TCTN2: variants seen among roughly 807,000 people sequenced by gnomAD.
The protein encoded by TCTN2 is tectonic family member 2, also known as tectonic-2.
Under a neutral mutation model 83.4 loss-of-function variants are expected in TCTN2, and 66 were observed. The observed-to-expected ratio is 0.79, with a 90% CI of 0.65 to 0.97. TCTN2 has a LOEUF of 0.97. Ranked by LOEUF, TCTN2 falls within the 50% of genes least tolerant of loss-of-function variation. TCTN2 has a pLI of 0.00. For synonymous variants in TCTN2, 301 were observed against 326.7 expected, an observed-to-expected ratio of 0.92 and a Z score of 0.85; for missense variants, 794 against 858.1, an observed-to-expected ratio of 0.93 and a Z score of 0.93.
At chr12:123,677,021 T>C (rs917193368) in intron 4 of TCTN2, among the ~76,000 whole-genome samples, 2 of 151,782 alleles carry the variant, frequency 1.3e-5, no homozygotes, top group African/African-American at 4.8e-5. Flanking sequence ...TTACAGAAAA[T>C]ATGAACGTTA....
chr12:123,689,632 A>G (rs145658182), intron 7 of TCTN2, among the ~76,000 whole-genome samples: 11 of 152,256 alleles, frequency 7.2e-5, no homozygotes, highest in East Asian at 3.9e-4. Context: ...CAAGTACCCA[A>G]TAGTTTTTTT....
rs910463610 is a variant in TCTN2 at position 123,672,037 on chromosome 12, G to A, written c.191-19G>A. 6.8e-6 allele frequency: 11 copies of A among 1,612,098 alleles called. No homozygotes were observed. In the African/African-American group the frequency reaches 8.0e-5, roughly 12 times the overall value. Reference sequence around the variant, plus strand: ...CTGCTGGACCTTGCTGCCTTTGCATGCTGGTCTTCTTTCTTTAGGAATATT... The same window carrying A: ...CTGCTGGACCTTGCTGCCTTTGCATACTGGTCTTCTTTCTTTAGGAATATT... On this transcript the variant is annotated intron_variant, in intron 2 of 17. Coordinates refer to ENST00000303372, the MANE Select transcript of TCTN2 (RefSeq NM_024809.5).
chr12:123,672,788 C>T (rs12824075), intron 3 of TCTN2, among the ~76,000 whole-genome samples: 54,321 of 151,912 alleles, frequency 0.36, 10,199 homozygotes, highest in African/African-American at 0.41. Context: ...CGGTGGCTCA[C>T]GCCTGTAATC....
At chr12:123,696,174 A>ATTT in intron 11 of TCTN2, 3 of 438,042 alleles carry the variant, frequency 6.8e-6, no homozygotes, top group African/African-American at 2.0e-5. Flanking sequence ...ATAACAATGT[A>ATTT]TTTTTTTTTT....
chr12:123,681,127 G>C (rs756547349), intron 5 of TCTN2, among the ~76,000 whole-genome samples: 2 of 151,926 alleles, frequency 1.3e-5, no homozygotes, highest in Non-Finnish European at 2.9e-5. Flanking sequence ...GGGCATGATA[G>C]TGCAGGCCTG....
At chr12:123,690,452 A>C (rs1351720241) in intron 7 of TCTN2, 81 bp from the exon 8 acceptor site, 3 of 1,596,218 alleles carry the variant, frequency 1.9e-6, no homozygotes, top group Non-Finnish European at 2.6e-6. Context: ...CTGCAGAAAG[A>C]CCAGTTTTAA....
At chr12:123,687,888 T>A (rs1166861771) in intron 6 of TCTN2, among the ~76,000 whole-genome samples, 163 bp from the exon 7 acceptor site, 2 of 150,540 alleles carry the variant, frequency 1.3e-5, no homozygotes, top group Non-Finnish European at 3.0e-5. Context: ...TGCTTGAACC[T>A]GGGAGGCGGA....
rs751298784 is a variant in TCTN2, at chr12:123,704,611, G to A, written c.1692G>A (p.Leu564=). The A allele has an allele frequency of 9.9e-6, 16 of 1,613,084 alleles. No individual in the cohort carries two copies. Among genetic ancestry groups the A allele is most frequent in the Admixed American group, 5.0e-5 (3 of 59,746 alleles). The change falls in exon 15 of 18, where the codon CTG becomes CTA. Residue 564 remains leucine (L), a synonymous_variant. Coordinates refer to ENST00000303372, the MANE Select transcript of TCTN2 (RefSeq NM_024809.5). Reference sequence around the variant, plus strand: ...TGTGCCTGGATATTCCTGCTCACCTGAGCATCCGCATCCTCATCTCGGATG... The same window carrying A: ...TGTGCCTGGATATTCCTGCTCACCTAAGCATCCGCATCCTCATCTCGGATG... ...NGMCLDIPAH[L]SIRILISDAG...
chr12:123,690,745 T>C (rs1956031908), intron 8 of TCTN2, 71 bp downstream of exon 8: 7 of 1,563,352 alleles, frequency 4.5e-6, no homozygotes, highest in Admixed American at 3.4e-5. Context: ...CATGAGAGTA[T>C]AAATCATTTC....
At chr12:123,672,974 C>T (rs920741388) in intron 3 of TCTN2, among the ~76,000 whole-genome samples, 9 of 151,832 alleles carry the variant, frequency 5.9e-5, no homozygotes, top group Non-Finnish European at 1.2e-4. Flanking sequence ...CACTTGAACC[C>T]GGGAGGCAGA....
In TCTN2 at chr12:123,704,632, G is replaced by C; in HGVS notation, c.1713G>C (p.Ser571=). The part of the protein sequence containing the change: ...PAHLSIRILI[S]DAGAVEGITQ... ...ACCTGAGCATCCGCATCCTCATCTC[G>C]GATGCTGGCGCGGTGGAAGGGATTA... The change falls in exon 15 of 18, where the codon TCG becomes TCC. Residue 571 remains serine (S), a synonymous_variant. Coordinates refer to ENST00000303372, the MANE Select transcript of TCTN2 (RefSeq NM_024809.5). 6.2e-7 allele frequency: 1 copy of C among 1,613,386 alleles called. No homozygotes were observed. The highest frequency in any genetic ancestry group is 1.3e-5 in the African/African-American group (1 of 74,756).
At chr12:123,675,695 G>A (rs1430592810) in intron 4 of TCTN2, among the ~76,000 whole-genome samples, 1 of 152,174 alleles carries the variant, frequency 6.6e-6, no homozygotes, top group Non-Finnish European at 1.5e-5. Flanking sequence ...GAAAACATTT[G>A]CATAAAGAAA....
chr12:123,697,345 C>T (rs977935124), intron 13 of TCTN2, 147 bp downstream of exon 13: 6 of 710,264 alleles, frequency 8.4e-6, no homozygotes, highest in Admixed American at 2.1e-5. Context: ...ACATGTAATA[C>T]AATTTAGAGT....
At chr12:123,679,656 G>T (rs935514463) in intron 5 of TCTN2, among the ~76,000 whole-genome samples, 1 of 151,722 alleles carries the variant, frequency 6.6e-6, no homozygotes, top group Non-Finnish European at 1.5e-5. Flanking sequence ...GAGCCACCAT[G>T]CCTTGCCCCA....
chr12:123,679,076 C>T (rs188917738), intron 4 of TCTN2, 113 bp from the exon 5 acceptor site: 18 of 902,146 alleles, frequency 2.0e-5, no homozygotes, highest in Middle Eastern at 3.1e-4. Context: ...GGATTACAGG[C>T]GTGAGCCACC....
chr12:123,705,852 G>T lies in TCTN2; in HGVS notation c.1770-874G>T, dbSNP rs374092123. On this transcript the variant is annotated intron_variant, in intron 15 of 17. Transcript: ENST00000303372. ...GCTCACTGCAACCTCCACCAACCGG[G>T]TTCAAGCGATTCTCCTGCCTCAGCC... Among the ~76,000 whole-genome samples the T allele has an allele frequency of 3.9e-3, 590 of 151,618 alleles. 2 individuals are homozygous for T. The highest frequency in any genetic ancestry group is 0.014 in the African/African-American group (570 of 41,362).
intron 12 of TCTN2, 148 bp downstream of exon 12, chr12:123,696,643 G>T: frequency 1.3e-6 from 1 of 754,800 alleles, no homozygotes; most frequent in Non-Finnish European, 2.3e-6. Flanking sequence ...TAACAGTGAT[G>T]ATGGTTTTTC....
intron 14 of TCTN2, among the ~76,000 whole-genome samples, chr12:123,702,515 G>A (rs1956184407): frequency 6.9e-6 from 1 of 144,102 alleles, no homozygotes; most frequent in African/African-American, 2.6e-5. Context: ...CTCTGACTTG[G>A]GGAGGGAGTC....
chr12:123,690,055 C>G (rs1217995442), intron 7 of TCTN2, among the ~76,000 whole-genome samples: 2 of 152,186 alleles, frequency 1.3e-5, no homozygotes, highest in Non-Finnish European at 2.9e-5. Context: ...CCACTACAGC[C>G]TTCCAAAATG....
Sources: gnomAD v4.1 joint callset for allele counts (sites outside exome capture counted in the v4.1 genomes callset) on GRCh38, gnomAD v4.1.1 for gene constraint, MANE v1.5 for transcripts, NCBI Gene and HGNC (gene_info 2026-07-23, HGNC 2026-07-21) for gene names.